The following ITPKB variants were observed in gnomAD, a reference collection of about 807,000 sequenced individuals.
The protein encoded by ITPKB is IP3 3-kinase B.
Under a neutral mutation model 69.4 loss-of-function variants are expected in ITPKB, and 13 were observed. The observed-to-expected ratio is 0.19, with a 90% confidence interval of 0.12 to 0.30. The LOEUF is 0.30. ITPKB is among the 10% of genes least tolerant of loss of function. ITPKB has a pLI of 1.00. For synonymous variants in ITPKB, 584 were observed against 513.7 expected (o/e 1.14, Z -1.85); for missense variants, 1,240 against 1,250.5 (o/e 0.99, Z 0.13).
intron 2 of ITPKB, among the ~76,000 whole-genome samples, chr1:226,713,266 T>C (rs1268846626): frequency 1.3e-5 from 2 of 152,174 alleles, no homozygotes; most frequent in Non-Finnish European, 2.9e-5. Flanking sequence ...AGTTGCTGCC[T>C]GTGTCCCCTT....
At chr1:226,658,367 T>C (rs1395262257) in intron 2 of ITPKB, among the ~76,000 whole-genome samples, 1 of 152,192 alleles carries the variant, frequency 6.6e-6, no homozygotes, top group African/African-American at 2.4e-5. Context: ...AGCTCCCTCC[T>C]GTAGCCCTGG....
Position 226,737,406 on chromosome 1 carries a change from T to C in ITPKB, c.53A>G (p.Asn18Ser). 6.2e-7 allele frequency: 1 copy of C among 1,611,326 alleles called. No individual in the cohort carries two copies. Among genetic ancestry groups the C allele is most frequent in the Non-Finnish European group, 8.5e-7 (1 of 1,179,580 alleles). Residue 18 changes from asparagine to serine, a missense_variant, in exon 2 of 8, where the codon AAC becomes AGC. This residue lies in a region of ITPKB where 992 missense variants were observed against 853.8 expected (regional missense o/e 1.16). Coordinates refer to ENST00000429204, the MANE Select transcript of ITPKB (RefSeq NM_002221.4). ...CGGGCCGCCGCCGCTCTTCATCTCG[T>C]TGGCGCTATTCATGATCACCAGGCT... ...LNSLVIMNSA[N>S]EMKSGGGPGP...
rs894609206 is a variant in ITPKB, at chr1:226,732,124, G to A, written c.1932+3403C>T. Among the ~76,000 whole-genome samples the A allele has an allele frequency of 1.2e-3, 164 of 138,106 alleles. 3 individuals are homozygous for A. The highest frequency in any genetic ancestry group is 2.0e-3 in the Non-Finnish European group (129 of 64,350). The allele number at this position is 138,106 out of a possible 152,430, so 90.6% of individuals were successfully genotyped here. A position where few individuals can be genotyped will look rare whatever the true frequency, so the allele number is the denominator to read the frequency against. ...CATCAAAAAAAAAAAAAAAAAAAGC[G>A]AAGGAAACAAAATTCCAATGGCCTT... On this transcript the variant is annotated intron_variant, in intron 2 of 7. Coordinates refer to ENST00000429204, the MANE Select transcript of ITPKB (RefSeq NM_002221.4).
intron 2 of ITPKB, among the ~76,000 whole-genome samples, chr1:226,693,371 A>G (rs1656403432): frequency 6.6e-6 from 1 of 152,166 alleles, no homozygotes; most frequent in South Asian, 2.1e-4. Context: ...GCACACAGAT[A>G]TTAGGAAAAC....
intron 2 of ITPKB, chr1:226,674,810 C>T (rs1188697304): frequency 1.3e-5 from 2 of 152,292 alleles, no homozygotes; most frequent in Non-Finnish European, 2.9e-5. Flanking sequence ...GCTCTGCTCC[C>T]ATCCCACTTA....
intron 6 of ITPKB, 37 bp downstream of exon 6, chr1:226,639,520 T>A: frequency 7.4e-7 from 1 of 1,357,618 alleles, no homozygotes; most frequent in South Asian, 1.2e-5. Context: ...CCTCCCTGGC[T>A]GGCTGGAGAG....
At chr1:226,667,354 GTC>G (rs1669522354) in intron 2 of ITPKB, among the ~76,000 whole-genome samples, 1 of 152,220 alleles carries the variant, frequency 6.6e-6, no homozygotes, top group Admixed American at 6.5e-5. Flanking sequence ...AGACCCAAGA[GTC>G]TGGTTGAGAA....
intron 2 of ITPKB, among the ~76,000 whole-genome samples, chr1:226,724,821 A>G (rs1042055105): frequency 6.6e-6 from 1 of 152,200 alleles, no homozygotes; most frequent in African/African-American, 2.4e-5. Flanking sequence ...AGTGCAGCTG[A>G]CTGGGCTCTG....
Position 226,735,956 on chromosome 1 carries a change from C to T in ITPKB, c.1503G>A (p.Val501=). The T allele has an allele frequency of 6.2e-7, 1 of 1,614,030 alleles. No homozygotes were observed. Among genetic ancestry groups the T allele is most frequent in the Non-Finnish European group, 8.5e-7 (1 of 1,179,966 alleles). The change falls in exon 2 of 8, where the codon GTG becomes GTA. Residue 501 remains valine (V), a synonymous_variant. Transcript: ENST00000429204. ...PQCPPGDRVG[V]QPGNSRVWQG... is the part of the protein sequence containing the mutation. ...GCCAAACCCTGGAGTTCCCAGGCTG[C>T]ACACCCACCCTGTCCCCAGGAGGGC...
intron 2 of ITPKB, among the ~76,000 whole-genome samples, chr1:226,661,631 T>TA (rs544760059): frequency 7.2e-5 from 11 of 152,250 alleles, no homozygotes; most frequent in Non-Finnish European, 1.3e-4. Flanking sequence ...TCCTCATCTA[T>TA]AAAATGGAAA....
At chr1:226,670,327 A>G (rs1669590580) in intron 2 of ITPKB, among the ~76,000 whole-genome samples, 1 of 152,128 alleles carries the variant, frequency 6.6e-6, no homozygotes, top group African/African-American at 2.4e-5. Flanking sequence ...AATATTCTGC[A>G]AGGGCCATAA....
At chr1:226,658,904 A>G (rs1355716105) in intron 2 of ITPKB, among the ~76,000 whole-genome samples, 1 of 152,118 alleles carries the variant, frequency 6.6e-6, no homozygotes, top group Non-Finnish European at 1.5e-5. Flanking sequence ...TACACGAACC[A>G]GCTCAGTGAA....
At chr1:226,696,362 C>T (rs979840974) in intron 2 of ITPKB, among the ~76,000 whole-genome samples, 4 of 152,046 alleles carry the variant, frequency 2.6e-5, no homozygotes, top group Admixed American at 1.3e-4. Flanking sequence ...TCTCTCAACA[C>T]AGATGCTTGG....
At chr1:226,668,382 G>C (rs1314861447) in intron 2 of ITPKB, among the ~76,000 whole-genome samples, 4 of 152,156 alleles carry the variant, frequency 2.6e-5, no homozygotes, top group Non-Finnish European at 4.4e-5. Context: ...ACTCACTTTG[G>C]GGTGGCTCGT....
At chr1:226,683,631 G>A (rs965719593) in intron 2 of ITPKB, among the ~76,000 whole-genome samples, 1 of 152,094 alleles carries the variant, frequency 6.6e-6, no homozygotes, top group African/African-American at 2.4e-5. Flanking sequence ...GAAGGGGAGT[G>A]TAGACATGCA....
chr1:226,719,134 C>G (rs1252597026), intron 2 of ITPKB, among the ~76,000 whole-genome samples: 5 of 152,096 alleles, frequency 3.3e-5, no homozygotes, highest in Non-Finnish European at 5.9e-5. Flanking sequence ...AAAAAAGTAG[C>G]CAGTTGTGGT....
At chr1:226,717,441 C>T (rs547195386) in intron 2 of ITPKB, among the ~76,000 whole-genome samples, 3 of 152,264 alleles carry the variant, frequency 2.0e-5, no homozygotes, top group Non-Finnish European at 4.4e-5. Context: ...AAACCCAAAG[C>T]ACAGGCCCAG....
At chr1:226,664,421 G>A (rs1305238331) in intron 2 of ITPKB, among the ~76,000 whole-genome samples, 1 of 152,164 alleles carries the variant, frequency 6.6e-6, no homozygotes, top group Non-Finnish European at 1.5e-5. Context: ...AACCTCCTTT[G>A]CAATGTCCAT....
chr1:226,689,328 G>C (rs1307231452), intron 2 of ITPKB, among the ~76,000 whole-genome samples: 1 of 152,186 alleles, frequency 6.6e-6, no homozygotes, highest in Non-Finnish European at 1.5e-5. Context: ...TGTTTTCTCA[G>C]AACATTTTTG....
Sources: gnomAD v4.1 joint callset for allele counts (sites outside exome capture counted in the v4.1 genomes callset) on GRCh38, gnomAD v4.1.1 for gene constraint, gnomAD v4.1.1 regional missense constraint, MANE v1.5 for transcripts, NCBI Gene and HGNC (gene_info 2026-07-23, HGNC 2026-07-21) for gene names.